Variants in CITED1 observed in about 807,000 individuals in gnomAD.
CITED1 encodes Cbp/p300 interacting transactivator with ED-rich tail 1.
A neutral mutation model predicts 8.5 loss-of-function variants in CITED1; 3 were observed. The observed-to-expected ratio is 0.35, with a 90% CI of 0.16 to 0.91. The LOEUF (loss-of-function observed/expected upper bound fraction) is 0.91, where lower values mean the gene tolerates loss of function less well. CITED1 is among the 40% of genes least tolerant of loss of function. The probability of loss-of-function intolerance (pLI) is 0.46; values close to 1 mark genes in which losing one functional copy is unlikely to be tolerated. For missense variants in CITED1, 113 were observed against 154.8 expected (o/e 0.73, Z 1.43); for synonymous variants, 54 against 67.4 (o/e 0.80, Z 0.97).
upstream of CITED1, chrX:72,306,624 G>A (rs946072078): frequency 9.0e-6 from 1 of 111,092 alleles, no homozygotes; most frequent in Non-Finnish European, 1.9e-5. Context: ...CCGCGCCGTT[G>A]GCCACCCGAC....
rs1434717732 is a variant in CITED1 at position 72,302,785 on chromosome X, T to G, written c.60+25A>C. On this transcript the variant is annotated intron_variant, in intron 2 of 2. Transcript: ENST00000651998. The stretch of plus-strand genomic sequence containing the variant: ...CCCGGAAAATTTGTCTTTCCCTGCC[T>G]CATCTGTAAAATGGCAAAAATTACC... 3.4e-6 allele frequency: 4 copies of G among 1,186,617 alleles called. No individual in the cohort carries two copies. The South Asian group carries it at 7.4e-5, about 22-fold the overall frequency.
At chrX:72,304,901 G>A (rs771685146) in intron 1 of CITED1, among the ~76,000 whole-genome samples, 149 of 112,356 alleles carry the variant, frequency 1.3e-3, no homozygotes, top group Middle Eastern at 9.2e-3. Context: ...TGTTGAATGC[G>A]TCTGAAGAAG....
chrX:72,306,547 C>T (rs1444618769), upstream of CITED1: 1 of 111,247 alleles, frequency 9.0e-6, no homozygotes, highest in East Asian at 2.9e-4. Context: ...GGCGGCGGAG[C>T]CCCCAGCCCC....
upstream of CITED1, chrX:72,306,948 T>C (rs774234301): frequency 9.1e-6 from 1 of 109,324 alleles, no homozygotes; most frequent in African/African-American, 3.3e-5. Context: ...CACGTCTTTA[T>C]AACCGGCTTA....
At chrX:72,305,277 G>T in intron 1 of CITED1, 3 of 1,160,920 alleles carry the variant, frequency 2.6e-6, no homozygotes, top group Non-Finnish European at 3.5e-6. Flanking sequence ...CCTGTTGGGG[G>T]ACCAAAAGTT....
chrX:72,305,297 C>A, intron 1 of CITED1: 1 of 1,166,779 alleles, frequency 8.6e-7, no homozygotes, highest in Non-Finnish European at 1.1e-6. Context: ...TAAAATGGCA[C>A]CAACCGGATG....
Position 72,302,203 on chromosome X carries a change from A to T in CITED1, c.102T>A (p.Leu34=). The T allele has an allele frequency of 8.3e-7, 1 of 1,207,550 alleles. No homozygotes were observed. The highest frequency in any genetic ancestry group is 1.7e-5 in the African/African-American group (1 of 57,860). The change falls in exon 3 of 3, where the codon CTT becomes CTA. Residue 34 remains leucine, a synonymous_variant. Coordinates refer to ENST00000651998, the MANE Select transcript of CITED1 (RefSeq NM_001144887.2). ...CCACTGCTTTGCGATCTTTCACCGC[A>T]AGGTTGGAGTAGGCCACGGAGCTCA... ...QEMSSVAYSN[L]AVKDRKAVAI...
chrX:72,305,342 G>A (rs1409093753), intron 1 of CITED1: 3 of 1,159,617 alleles, frequency 2.6e-6, no homozygotes, highest in Non-Finnish European at 3.5e-6. Flanking sequence ...CACTCAGAAG[G>A]AGAAATTTAA....
intron 2 of CITED1, 60 bp downstream of exon 2, chrX:72,302,750 G>A: frequency 2.8e-6 from 3 of 1,069,029 alleles, no homozygotes; most frequent in Non-Finnish European, 3.8e-6. Flanking sequence ...AGGAGGGCCT[G>A]GCCCATGACC....
Position 72,302,821 on chromosome X carries a change from G to T in CITED1, c.49C>A (p.Pro17Thr). 8.3e-7 allele frequency: 1 copy of T among 1,209,547 alleles called. No homozygotes were observed. The highest frequency in any genetic ancestry group is 1.1e-6 in the Non-Finnish European group (1 of 893,968). Reference sequence around the variant, plus strand: ...ATGGCAAAAATTACCTCCTTCGCAGGTGAGGTGCCACCCTTGACATCAAGT... The same window carrying T: ...ATGGCAAAAATTACCTCCTTCGCAGTTGAGGTGCCACCCTTGACATCAAGT... ...PALDVKGGTS[P>T]AKEDANQEMS... The change falls in exon 2 of 3, where the codon CCT becomes ACT. Residue 17 changes from proline to threonine, a missense_variant. Coordinates refer to ENST00000651998, the MANE Select transcript of CITED1 (RefSeq NM_001144887.2).
intron 1 of CITED1, 58 bp from the exon 2 acceptor site, chrX:72,302,992 C>T (rs1329541671): frequency 1.7e-6 from 2 of 1,168,336 alleles, no homozygotes. Flanking sequence ...CAACAAAGCA[C>T]TAGCAAAGCC....
chrX:72,305,450 C>T, intron 1 of CITED1: 1 of 520,210 alleles, frequency 1.9e-6, no homozygotes, highest in Non-Finnish European at 3.2e-6. Context: ...GCGGACAGCT[C>T]GGCTGCCCTC....
At chrX:72,304,791 G>A (rs2043320277) in intron 1 of CITED1, among the ~76,000 whole-genome samples, 1 of 112,193 alleles carries the variant, frequency 8.9e-6, no homozygotes, top group Non-Finnish European at 1.9e-5. Context: ...TCCCCCAGAA[G>A]AGGCCCTGTG....
chrX:72,302,344 C>A, intron 2 of CITED1, 100 bp from the exon 3 acceptor site: 1 of 991,002 alleles, frequency 1.0e-6, no homozygotes, highest in Non-Finnish European at 1.4e-6. Flanking sequence ...TCATTTGGGA[C>A]TAGAGGTGGA....
intron 1 of CITED1, 131 bp from the exon 2 acceptor site, chrX:72,303,065 A>G (rs772864678): frequency 2.1e-5 from 18 of 849,186 alleles, no homozygotes; most frequent in Non-Finnish European, 2.8e-5. Flanking sequence ...AATCAAGACC[A>G]GAGATCACCC....
Position 72,301,845 on chromosome X carries a change from C to T in CITED1, c.460G>A (p.Asp154Asn). 1 of 1,211,856 alleles carries T rather than the reference C, an allele frequency of 8.3e-7. No homozygotes were observed. The highest frequency in any genetic ancestry group is 1.1e-6 in the Non-Finnish European group (1 of 895,568). The change falls in exon 3 of 3, where the codon GAT becomes AAT. Residue 154 changes from aspartate to asparagine, a missense_variant. Coordinates refer to ENST00000651998, the MANE Select transcript of CITED1 (RefSeq NM_001144887.2). ...ACCAGCGACATCAGCACTTCCTCATCCACTGGGTCCGAATCGATGATAGCA... is the reference window on the plus strand; with the variant it reads ...ACCAGCGACATCAGCACTTCCTCATTCACTGGGTCCGAATCGATGATAGCA... Reference protein sequence around the residue: ...SPAIIDSDPVDEEVLMSLVVE... With the variant: ...SPAIIDSDPVNEEVLMSLVVE...
intron 1 of CITED1, among the ~76,000 whole-genome samples, chrX:72,303,283 T>A (rs2043306300): frequency 8.9e-6 from 1 of 112,705 alleles, no homozygotes; most frequent in African/African-American, 3.2e-5. Flanking sequence ...TGTCCCTGAG[T>A]AAGCAACATA....
rs112771268 is a variant in CITED1 at position 72,302,372 on chromosome X, C to A, written c.61-128G>T. On this transcript the variant is annotated intron_variant, in intron 2 of 2. Coordinates refer to ENST00000651998, the MANE Select transcript of CITED1 (RefSeq NM_001144887.2). ...GAGGTGGAGAGGTAGCAAGACGACC[C>A]CCTTGAAAATTAGGCTCCCACCTCA... The A allele has an allele frequency of 5.8e-3, 4,860 of 842,705 alleles. 145 individuals are homozygous for A. The African/African-American group carries it at 0.091, about 16-fold the overall frequency. 69.4% of individuals were successfully genotyped at this position (842,705 alleles called of 1,213,427 possible).
chrX:72,303,057 T>C (rs2043304490), intron 1 of CITED1, 123 bp from the exon 2 acceptor site: 1 of 893,388 alleles, frequency 1.1e-6, no homozygotes, highest in African/African-American at 2.0e-5. Flanking sequence ...TGAGTTAGAA[T>C]CAAGACCAGA....
Sources: gnomAD v4.1 joint callset for allele counts (sites outside exome capture counted in the v4.1 genomes callset) on GRCh38, gnomAD v4.1.1 for gene constraint, MANE v1.5 for transcripts, NCBI Gene and HGNC (gene_info 2026-07-23, HGNC 2026-07-21) for gene names.